The following ADAM18 variants were observed in gnomAD, a reference collection of about 807,000 sequenced individuals.
ADAM18 encodes ADAM metallopeptidase domain 18.
A neutral mutation model predicts 94.4 loss-of-function variants in ADAM18; 117 were observed. The ratio of observed to expected loss-of-function variants is 1.24; its 90% CI spans 1.07 to 1.45. The LOEUF is 1.45. ADAM18 is among the 40% of genes most tolerant of loss of function. ADAM18 has a pLI of 0.00. For synonymous variants in ADAM18, 327 were observed against 291.6 expected, an observed-to-expected ratio of 1.12 and a Z score of -1.24; for missense variants, 936 against 880.0, an observed-to-expected ratio of 1.06 and a Z score of -0.81.
At chr8:39,673,844 A>G (rs1821224132) in intron 14 of ADAM18, among the ~76,000 whole-genome samples, 1 of 152,172 alleles carries the variant, frequency 6.6e-6, no homozygotes, top group Non-Finnish European at 1.5e-5. Context: ...ATTGGTTTCA[A>G]AGAACATCTT....
intron 12 of ADAM18, among the ~76,000 whole-genome samples, chr8:39,660,346 A>C (rs891357792): frequency 4.6e-5 from 7 of 152,176 alleles, no homozygotes; most frequent in African/African-American, 1.2e-4. Context: ...TATATGCTAC[A>C]TCCAGGAGCC....
At chr8:39,684,597 C>T (rs1456529073) in intron 16 of ADAM18, among the ~76,000 whole-genome samples, 1 of 152,106 alleles carries the variant, frequency 6.6e-6, no homozygotes, top group Admixed American at 6.6e-5. Flanking sequence ...ACTCAATCAG[C>T]CTGAGGTTGA....
intron 11 of ADAM18, among the ~76,000 whole-genome samples, chr8:39,647,091 C>T (rs927241077): frequency 1.3e-5 from 2 of 151,916 alleles, no homozygotes; most frequent in Non-Finnish European, 2.9e-5. Context: ...AAACAGTGGG[C>T]CCAGGAGACC....
intron 18 of ADAM18, among the ~76,000 whole-genome samples, chr8:39,709,258 A>G (rs1822327764): frequency 1.3e-5 from 2 of 152,224 alleles, no homozygotes; most frequent in Non-Finnish European, 2.9e-5. Context: ...AGCCATCTCC[A>G]GCCAGATTCT....
rs1002455263 is a variant in ADAM18, at chr8:39,611,531, G to A, written c.522+825G>A. On this transcript the variant is annotated intron_variant, in intron 6 of 19. Coordinates refer to ENST00000265707, the MANE Select transcript of ADAM18 (RefSeq NM_014237.3). ...TGTCTCGATTTTGTAGTTCATTATTGCCAAAAGTATTTACTGGGATAAATA... is the reference window on the plus strand; with the variant it reads ...TGTCTCGATTTTGTAGTTCATTATTACCAAAAGTATTTACTGGGATAAATA... 2.9e-5 allele frequency: 29 copies of A among 984,900 alleles called. No homozygotes were observed. The African/African-American group carries it at 4.2e-4, about 14-fold the overall frequency. The allele number at this position is 984,900 out of a possible 1,614,324, so 61.0% of individuals were successfully genotyped here.
chr8:39,609,223 C>T (rs1819186834), intron 4 of ADAM18, 103 bp downstream of exon 4: 1 of 868,318 alleles, frequency 1.2e-6, no homozygotes, highest in Non-Finnish European at 1.8e-6. Flanking sequence ...TCCTTACTGA[C>T]ATGTTACTGA....
chr8:39,660,626 G>A (rs372397891), intron 12 of ADAM18, among the ~76,000 whole-genome samples: 36 of 152,128 alleles, frequency 2.4e-4, no homozygotes, highest in African/African-American at 8.4e-4. Context: ...GAAATAGATG[G>A]CAATACAGTA....
At chr8:39,724,454 T>A (rs1822845115) in intron 19 of ADAM18, among the ~76,000 whole-genome samples, 1 of 151,926 alleles carries the variant, frequency 6.6e-6, no homozygotes, top group African/African-American at 2.4e-5. Flanking sequence ...TTTTCTTTTT[T>A]TTCTTGTTCA....
intron 17 of ADAM18, among the ~76,000 whole-genome samples, chr8:39,703,409 A>C (rs967115848): frequency 6.6e-6 from 1 of 152,136 alleles, no homozygotes; most frequent in Non-Finnish European, 1.5e-5. Flanking sequence ...TTTTAGATAT[A>C]GGATCATGTC....
At chr8:39,685,348 A>G (rs557400331) in intron 16 of ADAM18, 2 of 152,372 alleles carry the variant, frequency 1.3e-5, no homozygotes, top group Admixed American at 6.5e-5. Flanking sequence ...GTGGAGTCAT[A>G]CCCGATATGG....
chr8:39,662,996 T>C (rs1820884714), intron 12 of ADAM18, among the ~76,000 whole-genome samples: 1 of 152,200 alleles, frequency 6.6e-6, no homozygotes, highest in South Asian at 2.1e-4. Context: ...TGTTGATTTC[T>C]ATTATAGTAA....
At chr8:39,630,185 T>A (rs1423692412) in intron 7 of ADAM18, among the ~76,000 whole-genome samples, 1 of 151,910 alleles carries the variant, frequency 6.6e-6, no homozygotes, top group East Asian at 1.9e-4. Context: ...GCATAGTTTT[T>A]GAATAAATAC....
chr8:39,613,552 C>T (rs1819345047), intron 6 of ADAM18, among the ~76,000 whole-genome samples: 1 of 152,190 alleles, frequency 6.6e-6, no homozygotes, highest in Non-Finnish European at 1.5e-5. Context: ...AGAACTCTGG[C>T]AACTCAGAAG....
chr8:39,638,235 A>G lies in ADAM18; in HGVS notation c.828-230A>G, dbSNP rs1820138048. 2.0e-5 allele frequency among the ~76,000 whole-genome samples: 3 copies of G among 150,726 alleles called. 1 individual carries two copies. The South Asian group carries it at 6.3e-4, about 32-fold the overall frequency. Reference sequence around the variant, plus strand: ...TTATATCCATTTTAGGAGATATACAAGGAAATTACATTGGTATTAAAGTGA... The same window carrying G: ...TTATATCCATTTTAGGAGATATACAGGGAAATTACATTGGTATTAAAGTGA... On this transcript the variant is annotated intron_variant, in intron 9 of 19. Transcript: ENST00000265707.
At chr8:39,693,935 T>C (rs1283000757) in intron 17 of ADAM18, among the ~76,000 whole-genome samples, 1 of 151,278 alleles carries the variant, frequency 6.6e-6, no homozygotes, top group Non-Finnish European at 1.5e-5. Flanking sequence ...AGTTCAATTT[T>C]ATTAGCATGT....
chr8:39,667,472 G>A (rs1175448790), intron 13 of ADAM18, among the ~76,000 whole-genome samples: 5 of 149,864 alleles, frequency 3.3e-5, no homozygotes, highest in Non-Finnish European at 7.4e-5. Flanking sequence ...TGCTTACTAT[G>A]TATTGTTCTA....
intron 17 of ADAM18, among the ~76,000 whole-genome samples, chr8:39,694,902 T>A (rs767738345): frequency 3.0e-4 from 45 of 151,534 alleles, no homozygotes; most frequent in Admixed American, 3.3e-4. Flanking sequence ...ATTATTACAG[T>A]ATCATACAGA....
chr8:39,589,786 A>G (rs1467990778), intron 2 of ADAM18, among the ~76,000 whole-genome samples: 4 of 152,126 alleles, frequency 2.6e-5, no homozygotes, highest in African/African-American at 9.7e-5. Flanking sequence ...TCATTTTTCA[A>G]TATTTTAAAA....
chr8:39,663,025 A>G (rs1000416038), intron 12 of ADAM18, among the ~76,000 whole-genome samples: 7 of 152,184 alleles, frequency 4.6e-5, no homozygotes, highest in African/African-American at 1.4e-4. Context: ...ACATAAATAT[A>G]TACTAAGTAC....
Sources: gnomAD v4.1 joint callset for allele counts (sites outside exome capture counted in the v4.1 genomes callset) on GRCh38, gnomAD v4.1.1 for gene constraint, MANE v1.5 for transcripts, NCBI Gene and HGNC (gene_info 2026-07-23, HGNC 2026-07-21) for gene names.